TRPC4AP: variants seen among roughly 807,000 people sequenced by gnomAD.
The protein encoded by TRPC4AP is transient receptor potential cation channel subfamily C member 4 associated protein.
In TRPC4AP, 45 loss-of-function variants were observed where a neutral mutation model predicts 99.0. The observed-to-expected ratio is 0.45, with a 90% CI of 0.36 to 0.58. The LOEUF is 0.58. Among genes scored for constraint, TRPC4AP ranks in the 20% least tolerant of loss-of-function variants. The probability of loss-of-function intolerance (pLI) is 0.00; values close to 1 mark genes in which losing one functional copy is unlikely to be tolerated. For missense variants in TRPC4AP, 879 were observed against 985.3 expected, an observed-to-expected ratio of 0.89 and a Z score of 1.44; for synonymous variants, 408 against 385.8, an observed-to-expected ratio of 1.06 and a Z score of -0.67.
chr20:35,085,406 G>A (rs1166167940), intron 1 of TRPC4AP, among the ~76,000 whole-genome samples: 1 of 152,140 alleles, frequency 6.6e-6, no homozygotes, highest in African/African-American at 2.4e-5. Flanking sequence ...GATCCCAGGA[G>A]TTTAAGACCA....
chr20:35,052,344 T>G, intron 5 of TRPC4AP, among the ~76,000 whole-genome samples: 1 of 152,094 alleles, frequency 6.6e-6, no homozygotes, highest in East Asian at 1.9e-4. Context: ...TTCTCCTGCC[T>G]CGGCCTATCA....
In TRPC4AP at chr20:35,025,769, AG is replaced by A. The variant is rs200256872; in HGVS notation, c.1052-4414del. Among the ~76,000 whole-genome samples the A allele has an allele frequency of 4.3e-3, 657 of 152,262 alleles. 3 individuals carry two copies. Among genetic ancestry groups the A allele is most frequent in the African/African-American group, 0.015 (631 of 41,562 alleles). On this transcript the variant is annotated intron_variant, in intron 8 of 18. Transcript: ENST00000252015. ...TCATTGTGTTTTCTGAAGAACAAAA[AG>A]TTTTAATTTTGATGAAGTCCAATTT...
chr20:35,046,788 TG>T (rs1327288941), intron 6 of TRPC4AP, among the ~76,000 whole-genome samples: 1 of 152,182 alleles, frequency 6.6e-6, no homozygotes, highest in African/African-American at 2.4e-5. Context: ...CCTCTAGCCC[TG>T]TCTAACTCAG....
chr20:35,062,699 T>G (rs550747256), intron 3 of TRPC4AP, among the ~76,000 whole-genome samples: 118 of 152,252 alleles, frequency 7.8e-4, no homozygotes, highest in African/African-American at 2.8e-3. Flanking sequence ...TGGGAGGAAA[T>G]GGGGAGTGGC....
In TRPC4AP at chr20:35,092,494, T is replaced by C. The variant is rs554613078; in HGVS notation, c.168+120A>G. On this transcript the variant is annotated intron_variant, in intron 1 of 18. Transcript: ENST00000252015. The stretch of plus-strand genomic sequence containing the variant: ...GTCCGGGCAGCTCACAGGGAGGCCT[T>C]CCGGCCAGCCAAAAGGGCTTTGGCC... 7 of 1,243,376 alleles carry C rather than the reference T, an allele frequency of 5.6e-6. No individual in the cohort carries two copies. The East Asian group carries it at 1.9e-4, about 33-fold the overall frequency. 77.0% of individuals were successfully genotyped at this position (1,243,376 alleles called of 1,614,324 possible).
At chr20:35,025,589 A>G (rs2083009404) in intron 8 of TRPC4AP, among the ~76,000 whole-genome samples, 2 of 152,250 alleles carry the variant, frequency 1.3e-5, no homozygotes, top group East Asian at 1.9e-4. Flanking sequence ...TCCTTTGTCT[A>G]TATTTTGAAA....
At chr20:35,089,937 G>A (rs1441746331) in intron 1 of TRPC4AP, among the ~76,000 whole-genome samples, 2 of 151,818 alleles carry the variant, frequency 1.3e-5, no homozygotes, top group African/African-American at 4.8e-5. Flanking sequence ...CTGGGCAACA[G>A]AGCAAAACCC....
At chr20:35,022,904 T>C (rs2082928506) in intron 8 of TRPC4AP, among the ~76,000 whole-genome samples, 1 of 151,782 alleles carries the variant, frequency 6.6e-6, no homozygotes, top group African/African-American at 2.4e-5. Context: ...GCGCCTGTAG[T>C]CCCAGCTACT....
intron 1 of TRPC4AP, among the ~76,000 whole-genome samples, chr20:35,082,035 T>C (rs911996173): frequency 1.3e-5 from 2 of 152,036 alleles, no homozygotes; most frequent in Admixed American, 6.6e-5. Context: ...CTACCAGAGA[T>C]AGGCACTTTA....
At position 35,035,773 on chromosome 20, in the gene TRPC4AP, AATG is replaced by A. The variant is rs559067493; in HGVS notation, c.866-468_866-466del. Among the ~76,000 whole-genome samples, 187 of 152,376 alleles carry A rather than the reference AATG, an allele frequency of 1.2e-3. 1 individual carries two copies. Among genetic ancestry groups the A allele is most frequent in the Non-Finnish European group, 1.8e-3 (124 of 68,040 alleles). On this transcript the variant is annotated intron_variant, in intron 7 of 18. Transcript: ENST00000252015. Reference sequence around the variant, plus strand: ...AATGGAATACTGCATAGACACTAAGAATGATGACACATACATCTTTATATAGTG... The same window carrying A: ...AATGGAATACTGCATAGACACTAAGAATGACACATACATCTTTATATAGTG...
At chr20:35,086,431 A>ATGTGTGTGTG (rs150231202) in intron 1 of TRPC4AP, among the ~76,000 whole-genome samples, 59 of 109,514 alleles carry the variant, frequency 5.4e-4, no homozygotes, top group South Asian at 2.6e-3. Flanking sequence ...TGAATGGCAT[A>ATGTGTGTGTG]TGTGTGTGTG....
intron 11 of TRPC4AP, among the ~76,000 whole-genome samples, chr20:35,010,661 A>G (rs896343193): frequency 1.3e-5 from 2 of 152,124 alleles, no homozygotes; most frequent in African/African-American, 4.8e-5. Flanking sequence ...AGTCCCACCA[A>G]GCACCACGGT....
At chr20:35,036,142 G>C (rs1400115045) in intron 7 of TRPC4AP, among the ~76,000 whole-genome samples, 2 of 152,106 alleles carry the variant, frequency 1.3e-5, no homozygotes, top group Admixed American at 1.3e-4. Context: ...CGGCATATTA[G>C]AACATCATAA....
chr20:35,033,637 T>C (rs983585650), intron 8 of TRPC4AP, among the ~76,000 whole-genome samples: 1 of 152,144 alleles, frequency 6.6e-6, no homozygotes, highest in Non-Finnish European at 1.5e-5. Context: ...TTCTCAGCTG[T>C]CTCCTTCCCT....
At position 35,010,258 on chromosome 20, in the gene TRPC4AP, C is replaced by A; in HGVS notation, c.1440G>T (p.Glu480Asp). Reference sequence around the variant, plus strand: ...GAGAGATGGCACTGAGTTCATTCAGCTCCTGGTTGTTGAGTAACAAGTACT... The same window carrying A: ...GAGAGATGGCACTGAGTTCATTCAGATCCTGGTTGTTGAGTAACAAGTACT... ...ENKYLLLNNQ[E>D]LNELSAISLK... Residue 480 changes from glutamate (E) to aspartate (D), a missense_variant, in exon 12 of 19, where the codon GAG becomes GAT. Around this residue, in one of 3 missense-constraint regions of TRPC4AP, gnomAD observed 603 missense variants for 631.8 expected, o/e 0.95. Transcript: ENST00000252015. 1 of 1,614,216 alleles carries A rather than the reference C, an allele frequency of 6.2e-7. No homozygotes were observed. Among genetic ancestry groups the A allele is most frequent in the Non-Finnish European group, 8.5e-7 (1 of 1,180,038 alleles).
chr20:35,083,779 A>T (rs1305013771), intron 1 of TRPC4AP, among the ~76,000 whole-genome samples: 1 of 151,654 alleles, frequency 6.6e-6, no homozygotes, highest in Non-Finnish European at 1.5e-5. Flanking sequence ...AGTGTGCCCC[A>T]GGAAAAAGGA....
chr20:35,078,900 T>C (rs2084553149), intron 1 of TRPC4AP, among the ~76,000 whole-genome samples: 1 of 152,094 alleles, frequency 6.6e-6, no homozygotes, highest in Admixed American at 6.6e-5. Context: ...ACCCCATCTC[T>C]ACTAAAAATA....
At position 35,008,755 on chromosome 20, in the gene TRPC4AP, A is replaced by G. The variant is rs751034061; in HGVS notation, c.1512-8T>C. On this transcript the variant is annotated splice_region_variant and splice_polypyrimidine_tract_variant and intron_variant, in intron 12 of 18. Transcript: ENST00000252015. ...CCATCACACACCAAACTCCTGAAAT[A>G]GAAGAGAGATATTGGTGACAGATCT... 6.2e-7 allele frequency: 1 copy of G among 1,613,066 alleles called. No individual in the cohort carries two copies. The highest frequency in any genetic ancestry group is 1.1e-5 in the South Asian group (1 of 90,992).
At chr20:35,034,863 CTTGT>C (rs1463128078) in intron 8 of TRPC4AP, among the ~76,000 whole-genome samples, 1 of 152,188 alleles carries the variant, frequency 6.6e-6, no homozygotes, top group Non-Finnish European at 1.5e-5. Context: ...GTTACTGGTT[CTTGT>C]TAGTCCCTGA....
Sources: gnomAD v4.1 joint callset for allele counts (sites outside exome capture counted in the v4.1 genomes callset) on GRCh38, gnomAD v4.1.1 for gene constraint, gnomAD v4.1.1 regional missense constraint, MANE v1.5 for transcripts, NCBI Gene and HGNC (gene_info 2026-07-23, HGNC 2026-07-21) for gene names.